Variants in UBE2D3 observed in about 807,000 individuals in gnomAD.
UBE2D3 encodes ubiquitin conjugating enzyme E2 D3.
A neutral mutation model predicts 22.8 loss-of-function variants in UBE2D3; 2 were observed. That is an observed-to-expected ratio of 0.09 (90% CI 0.04 to 0.28). The LOEUF is 0.28. UBE2D3 is among the 10% of genes least tolerant of loss of function. The pLI is 1.00. For synonymous variants in UBE2D3, 56 were observed against 60.4 expected (o/e 0.93, Z 0.34); for missense variants, 27 against 182.5 (o/e 0.15, Z 4.91).
chr4:102,846,883 G>A (rs570675394), intron 1 of UBE2D3, among the ~76,000 whole-genome samples: 1 of 151,632 alleles, frequency 6.6e-6, no homozygotes, highest in South Asian at 2.1e-4. Context: ...GGCTCAAGCA[G>A]TCCTCCCACC....
Position 102,796,111 on chromosome 4 carries a change from T to TTCA in UBE2D3, c.*1301_*1303dup, listed in dbSNP as rs1299503206. 2 of 152,536 alleles carry TTCA rather than the reference T, an allele frequency of 1.3e-5. No individual in the cohort carries two copies. Among genetic ancestry groups the TTCA allele is most frequent in the Non-Finnish European group, 2.9e-5 (2 of 67,896 alleles). The allele number at this position is 152,536 out of a possible 1,614,324, so 9.4% of individuals were successfully genotyped here. On this transcript the variant is annotated 3_prime_UTR_variant, in exon 8 of 8. Coordinates refer to ENST00000453744, the MANE Select transcript of UBE2D3 (RefSeq NM_181891.3). ...TCAATATCCCACATAGATAAGTCAC[T>TTCA]TCAACACAGCCTCATGACAACTCCC...
intron 2 of UBE2D3, among the ~76,000 whole-genome samples, chr4:102,824,468 C>T (rs771484148): frequency 3.9e-5 from 6 of 152,160 alleles, no homozygotes; most frequent in Non-Finnish European, 7.3e-5. Context: ...TAAAACAGTG[C>T]CTGGTACATA....
At chr4:102,827,749 G>A, upstream of UBE2D3, 1 of 985,994 alleles carries the variant, frequency 1.0e-6, no homozygotes, top group Non-Finnish European at 1.2e-6. Context: ...TTACTAAACA[G>A]ATCGGAGATT....
At chr4:102,837,846 G>A (rs1244296839) in intron 1 of UBE2D3, among the ~76,000 whole-genome samples, 2 of 152,296 alleles carry the variant, frequency 1.3e-5, no homozygotes, top group East Asian at 3.9e-4. Flanking sequence ...CAGCTACTCG[G>A]GAGAGGCTGA....
intron 1 of UBE2D3, among the ~76,000 whole-genome samples, chr4:102,835,866 G>A (rs1349254070): frequency 6.6e-6 from 1 of 151,816 alleles, no homozygotes; most frequent in Admixed American, 6.6e-5. Context: ...CCTTTCTCTT[G>A]TTCTTCCCCC....
upstream of UBE2D3, among the ~76,000 whole-genome samples, chr4:102,828,695 G>A (rs1366918489): frequency 6.6e-6 from 1 of 152,194 alleles, no homozygotes; most frequent in African/African-American, 2.4e-5. Context: ...AGTTAATTAG[G>A]TAGAGTTTAG....
At chr4:102,817,831 A>T (rs1728996322) in intron 2 of UBE2D3, among the ~76,000 whole-genome samples, 1 of 152,212 alleles carries the variant, frequency 6.6e-6, no homozygotes, top group Non-Finnish European at 1.5e-5. Context: ...CTGGACTGGA[A>T]ATCAATTTCC....
At chr4:102,830,112 C>T (rs991236665), upstream of UBE2D3, among the ~76,000 whole-genome samples, 3 of 152,118 alleles carry the variant, frequency 2.0e-5, no homozygotes, top group African/African-American at 7.2e-5. Context: ...TTATATTTTG[C>T]CATGGTTAAA....
intron 2 of UBE2D3, chr4:102,825,206 T>C (rs1309718054): frequency 1.0e-6 from 1 of 980,134 alleles, no homozygotes; most frequent in African/African-American, 1.8e-5. Flanking sequence ...TTTAAAAAAG[T>C]AATCTATTAA....
At chr4:102,807,516 AC>A in intron 4 of UBE2D3, among the ~76,000 whole-genome samples, 1 of 152,198 alleles carries the variant, frequency 6.6e-6, no homozygotes, top group Non-Finnish European at 1.5e-5. Context: ...TTCAGTGAGT[AC>A]TGCTACCAAA....
At chr4:102,863,878 T>G (rs1302748158) in intron 1 of UBE2D3, among the ~76,000 whole-genome samples, 1 of 152,188 alleles carries the variant, frequency 6.6e-6, no homozygotes, top group African/African-American at 2.4e-5. Flanking sequence ...TGGGGTTCCT[T>G]AAGCATTTTA....
chr4:102,802,794 A>G, intron 4 of UBE2D3, 156 bp from the exon 5 acceptor site: 1 of 466,816 alleles, frequency 2.1e-6, no homozygotes, highest in Non-Finnish European at 3.6e-6. Context: ...CTATAGTAAT[A>G]GAAAAAAACT....
chr4:102,859,426 G>A (rs1196859104), intron 1 of UBE2D3, among the ~76,000 whole-genome samples: 1 of 151,882 alleles, frequency 6.6e-6, no homozygotes, highest in Non-Finnish European at 1.5e-5. Flanking sequence ...GTTTTGGCAA[G>A]GTCTGAGAAA....
chr4:102,845,457 T>C (rs2110361454), intron 1 of UBE2D3, among the ~76,000 whole-genome samples: 1 of 152,288 alleles, frequency 6.6e-6, no homozygotes, highest in African/African-American at 2.4e-5. Flanking sequence ...ACAGACAAGT[T>C]TGAGAACCCC....
intron 2 of UBE2D3, chr4:102,825,583 G>A (rs769544730): frequency 1.7e-6 from 2 of 1,207,644 alleles, no homozygotes; most frequent in South Asian, 1.5e-5. Flanking sequence ...TAAACCACCG[G>A]AGGTGGAGGT....
intron 2 of UBE2D3, 68 bp downstream of exon 2, chr4:102,826,417 C>A: frequency 6.3e-7 from 1 of 1,595,280 alleles, no homozygotes; most frequent in Non-Finnish European, 8.6e-7. Context: ...TTCCCACCCC[C>A]ACGCTTTCCT....
At chr4:102,800,838 G>C (rs1726042496) in intron 6 of UBE2D3, among the ~76,000 whole-genome samples, 1 of 152,082 alleles carries the variant, frequency 6.6e-6, no homozygotes, top group Admixed American at 6.6e-5. Flanking sequence ...TGGTGAAATA[G>C]TGTTAATTAT....
chr4:102,815,659 G>T (rs1336530442), intron 2 of UBE2D3, among the ~76,000 whole-genome samples: 2 of 151,926 alleles, frequency 1.3e-5, no homozygotes, highest in Non-Finnish European at 2.9e-5. Flanking sequence ...GTTAACACTG[G>T]GTTTCAGCTC....
intron 4 of UBE2D3, among the ~76,000 whole-genome samples, chr4:102,805,370 A>C (rs779266180): frequency 6.6e-6 from 1 of 152,206 alleles, no homozygotes; most frequent in Non-Finnish European, 1.5e-5. Context: ...AATCGACTCA[A>C]ATCGTACAAG....
Sources: allele counts gnomAD v4.1 joint callset (sites outside exome capture counted in the v4.1 genomes callset), GRCh38; gene constraint gnomAD v4.1.1; transcripts MANE v1.5; gene names NCBI Gene and HGNC (gene_info 2026-07-23, HGNC 2026-07-21).